The following ZIM2 variants were observed in gnomAD, a reference collection of about 807,000 sequenced individuals.
The protein encoded by ZIM2 is zinc finger protein 656.
A neutral mutation model predicts 38.6 loss-of-function variants in ZIM2; 14 were observed. The ratio of observed to expected loss-of-function variants is 0.36; its 90% CI spans 0.24 to 0.57. The LOEUF (loss-of-function observed/expected upper bound fraction) is 0.57. ZIM2 is among the 20% of genes least tolerant of loss of function. The pLI is 0.81. For missense variants in ZIM2, 680 were observed against 695.1 expected (o/e 0.98, Z 0.24); for synonymous variants, 247 against 245.8 (o/e 1.00, Z -0.04).
At chr19:56,794,682 T>C (rs571136164) in intron 9 of ZIM2, among the ~76,000 whole-genome samples, 27 of 152,310 alleles carry the variant, frequency 1.8e-4, no homozygotes, top group Non-Finnish European at 3.1e-4. Context: ...TACAAGCCAA[T>C]AGTGCCATCT....
intron 9 of ZIM2, among the ~76,000 whole-genome samples, chr19:56,803,415 A>G (rs1210623962): frequency 1.3e-5 from 2 of 152,202 alleles, no homozygotes; most frequent in African/African-American, 4.8e-5. Context: ...CAGATGTGCT[A>G]TGTTCTCTCC....
chr19:56,782,301 T>A lies in ZIM2; in HGVS notation c.571-180A>T, dbSNP rs1405509548. The stretch of plus-strand genomic sequence containing the variant: ...ACATTACTGAAACAGTTCCTATTGC[T>A]AATTACTACAGATTTGGGTTGAGGG... On this transcript the variant is annotated intron_variant, in intron 10 of 12. Transcript: ENST00000629319. 2.8e-5 allele frequency: 22 copies of A among 796,774 alleles called. No homozygotes were observed. In the Admixed American group the frequency reaches 6.4e-4, roughly 23 times the overall value. 49.4% of individuals were successfully genotyped at this position (796,774 alleles called of 1,614,324 possible). A position where few individuals can be genotyped will look rare whatever the true frequency, so the allele number is the denominator to read the frequency against.
At chr19:56,808,432 T>C (rs1204641323) in intron 9 of ZIM2, among the ~76,000 whole-genome samples, 1 of 152,152 alleles carries the variant, frequency 6.6e-6, no homozygotes, top group Non-Finnish European at 1.5e-5. Flanking sequence ...CCTGAGAGGC[T>C]GGTGGGCAGG....
chr19:56,803,807 C>T (rs1032170586), intron 9 of ZIM2, among the ~76,000 whole-genome samples: 1 of 152,182 alleles, frequency 6.6e-6, no homozygotes, highest in South Asian at 2.1e-4. Flanking sequence ...GCCTTTCCTC[C>T]TGGGTCCTGC....
At chr19:56,805,947 A>T (rs898582259) in intron 9 of ZIM2, among the ~76,000 whole-genome samples, 1 of 152,236 alleles carries the variant, frequency 6.6e-6, no homozygotes, top group African/African-American at 2.4e-5. Flanking sequence ...AAATGTGCAA[A>T]GGTTATAATA....
chr19:56,807,100 C>T (rs1199729371), intron 9 of ZIM2, among the ~76,000 whole-genome samples: 2 of 152,042 alleles, frequency 1.3e-5, no homozygotes, highest in Admixed American at 6.6e-5. Context: ...TACAAATGGC[C>T]CATCAATTAT....
Position 56,804,757 on chromosome 19 carries a change from T to C in ZIM2, c.490+12989A>G, listed in dbSNP as rs189729738. 1.6e-4 allele frequency among the ~76,000 whole-genome samples: 24 copies of C among 152,372 alleles called. No homozygotes were observed. The East Asian group carries it at 3.5e-3, about 22-fold the overall frequency. ...TCCAATCAGTTATGTTACAAACATT[T>C]GTAAAATAGGCATGTTCCAAGAATG... On this transcript the variant is annotated intron_variant, in intron 9 of 12. Coordinates refer to ENST00000629319, the MANE Select transcript of ZIM2 (RefSeq NM_001387356.1).
intron 9 of ZIM2, chr19:56,815,419 C>A (rs757018403): frequency 3.1e-6 from 5 of 1,614,016 alleles, no homozygotes; most frequent in Non-Finnish European, 4.2e-6. Context: ...GGCCAAGCTG[C>A]GAATGACAGA....
At chr19:56,805,090 G>C (rs2047693356) in intron 9 of ZIM2, among the ~76,000 whole-genome samples, 1 of 152,138 alleles carries the variant, frequency 6.6e-6, no homozygotes, top group Non-Finnish European at 1.5e-5. Flanking sequence ...TTTCAGCCTT[G>C]GCTCTACTGA....
intron 7 of ZIM2, among the ~76,000 whole-genome samples, chr19:56,820,285 T>C (rs2060355198): frequency 6.6e-6 from 1 of 152,222 alleles, no homozygotes; most frequent in Non-Finnish European, 1.5e-5. Flanking sequence ...AATTTTCTGT[T>C]GTGTACACCT....
intron 10 of ZIM2, chr19:56,782,451 G>C (rs1393912580): frequency 2.2e-6 from 1 of 464,320 alleles, no homozygotes. Context: ...AGTTTGGGTA[G>C]GTTAAGCCTC....
chr19:56,833,108 A>G (rs551279665), intron 2 of ZIM2: 1 of 510,272 alleles, frequency 2.0e-6, no homozygotes, highest in African/African-American at 1.9e-5. Flanking sequence ...ATCATGCACT[A>G]GAAAGCGTCT....
chr19:56,816,747 G>A (rs1441593022), intron 9 of ZIM2: 1 of 1,613,950 alleles, frequency 6.2e-7, no homozygotes, highest in African/African-American at 1.3e-5. Flanking sequence ...TACACACCCT[G>A]CACTCGTAGA....
intron 5 of ZIM2, among the ~76,000 whole-genome samples, chr19:56,823,357 C>T (rs974908389): frequency 1.3e-5 from 2 of 152,198 alleles, no homozygotes; most frequent in Non-Finnish European, 2.9e-5. Flanking sequence ...TTCCAAATAG[C>T]TTTATATACT....
chr19:56,810,137 C>A (rs1465603305), intron 9 of ZIM2: 1 of 969,524 alleles, frequency 1.0e-6, no homozygotes, highest in Non-Finnish European at 1.2e-6. Flanking sequence ...ATGACCACAA[C>A]CATATTAACA....
chr19:56,838,680 G>A (rs974198203), intron 1 of ZIM2, among the ~76,000 whole-genome samples: 25 of 152,306 alleles, frequency 1.6e-4, no homozygotes, highest in East Asian at 3.9e-4. Flanking sequence ...ATGGCTCCGC[G>A]GCCGCTAAGG....
Position 56,817,782 on chromosome 19 carries a change from T to C in ZIM2, c.454A>G (p.Arg152Gly). The C allele has an allele frequency of 6.2e-7, 1 of 1,614,174 alleles. No homozygotes were observed. Among genetic ancestry groups the C allele is most frequent in the Non-Finnish European group, 8.5e-7 (1 of 1,180,028 alleles). ...HSHMTQGHSS[R>G]SKRSAYPSTS... is the part of the protein sequence containing the mutation. ...CTTGGGTAGGCACTTCTCTTGGATC[T>C]TGATGAGTGGCCCTGCGTCATGTGG... The change falls in exon 9 of 13, where the codon AGA becomes GGA. Residue 152 changes from arginine to glycine, a missense_variant. Arg to Gly is a moderately radical substitution (Grantham distance 125). Transcript: ENST00000629319.
intron 7 of ZIM2, among the ~76,000 whole-genome samples, chr19:56,820,058 G>A (rs1267292296): frequency 6.6e-6 from 1 of 152,204 alleles, no homozygotes; most frequent in Non-Finnish European, 1.5e-5. Flanking sequence ...CGCTTTGATT[G>A]AAAATTAAAA....
At chr19:56,835,819 T>C (rs930772220) in intron 2 of ZIM2, among the ~76,000 whole-genome samples, 199 bp downstream of exon 2, 1 of 152,182 alleles carries the variant, frequency 6.6e-6, no homozygotes. Context: ...GGGAGGATAC[T>C]GAAATGGATG....
Sources: allele counts gnomAD v4.1 joint callset (sites outside exome capture counted in the v4.1 genomes callset), GRCh38; gene constraint gnomAD v4.1.1; transcripts MANE v1.5; gene names NCBI Gene and HGNC (gene_info 2026-07-23, HGNC 2026-07-21).